The following C1orf94 variants were observed in gnomAD, a reference collection of about 807,000 sequenced individuals.
C1orf94 encodes the protein uncharacterized protein C1orf94.
In C1orf94, 45 loss-of-function variants were observed where a neutral mutation model predicts 53.6. The observed-to-expected ratio is 0.84, with a 90% CI of 0.66 to 1.08. C1orf94 has a LOEUF of 1.08. C1orf94 is among the 50% of genes least tolerant of loss of function. C1orf94 has a pLI of 0.00. For synonymous variants in C1orf94, 304 were observed against 296.1 expected (o/e 1.03, Z -0.27); for missense variants, 762 against 738.9 (o/e 1.03, Z -0.36).
Position 34,197,619 on chromosome 1 carries a change from C to T in C1orf94, c.715C>T (p.Leu239Phe). 1.9e-6 allele frequency: 3 copies of T among 1,614,138 alleles called. No homozygotes were observed. Among genetic ancestry groups the T allele is most frequent in the Non-Finnish European group, 2.5e-6 (3 of 1,179,990 alleles). ...LGDSNLQVSKLLSQFPLKSTE... is the reference protein window; with the variant it reads ...LGDSNLQVSKFLSQFPLKSTE... ...TGACTCCAACTTGCAAGTCAGCAAGCTTCTGTCCCAGTTCCCACTGAAGTC... is the reference window on the plus strand; with the variant it reads ...TGACTCCAACTTGCAAGTCAGCAAGTTTCTGTCCCAGTTCCCACTGAAGTC... Residue 239 changes from leucine (L) to phenylalanine (F), a missense_variant, in exon 2 of 7, where the codon CTT (leucine) becomes TTT (phenylalanine). Leu to Phe is a conservative substitution (Grantham distance 22). Coordinates refer to ENST00000488417, the MANE Select transcript of C1orf94 (RefSeq NM_001134734.2). This position sits in a 1 kb window ranked among gnomAD's most constrained non-coding sequence, Gnocchi z 4.1.
At chr1:34,203,508 G>A (rs1359420301) in intron 4 of C1orf94, among the ~76,000 whole-genome samples, 2 of 152,116 alleles carry the variant, frequency 1.3e-5, no homozygotes, top group East Asian at 3.9e-4. Flanking sequence ...TCAGATTTTG[G>A]TATCCACAGG....
intron 1 of C1orf94, among the ~76,000 whole-genome samples, chr1:34,189,809 C>T (rs1485630046): frequency 6.6e-6 from 1 of 152,252 alleles, no homozygotes; most frequent in African/African-American, 2.4e-5. Flanking sequence ...ATCCTCCTGG[C>T]TCTTGGCTGG....
chr1:34,182,127 C>T (rs767897418), intron 1 of C1orf94, among the ~76,000 whole-genome samples: 4 of 152,230 alleles, frequency 2.6e-5, no homozygotes, highest in East Asian at 3.9e-4. Flanking sequence ...TCAGGAAAGT[C>T]GAGGCTGCAA....
intron 1 of C1orf94, among the ~76,000 whole-genome samples, chr1:34,196,836 C>T (rs1642594433): frequency 6.6e-6 from 1 of 152,170 alleles, no homozygotes; most frequent in African/African-American, 2.4e-5. Context: ...TGTTGGCTTG[C>T]TCCTGACCCC....
chr1:34,208,347 T>C (rs1041639345), intron 5 of C1orf94, 113 bp downstream of exon 5: 15 of 1,069,690 alleles, frequency 1.4e-5, no homozygotes, highest in Non-Finnish European at 1.8e-5. Flanking sequence ...TGGCCCACCA[T>C]TGGCTCTGGA....
At chr1:34,206,793 G>A (rs138946435) in intron 4 of C1orf94, among the ~76,000 whole-genome samples, 2 of 152,296 alleles carry the variant, frequency 1.3e-5, no homozygotes, top group Non-Finnish European at 2.9e-5. Context: ...ACAGGAGAGA[G>A]AGGCTGCCCT....
At chr1:34,195,125 G>A (rs189936253) in intron 1 of C1orf94, among the ~76,000 whole-genome samples, 1 of 152,214 alleles carries the variant, frequency 6.6e-6, no homozygotes, top group Non-Finnish European at 1.5e-5. Context: ...GAGAGTGGAG[G>A]GAAAGAGAAA....
chr1:34,183,821 A>G (rs1642345753), intron 1 of C1orf94, among the ~76,000 whole-genome samples: 1 of 151,110 alleles, frequency 6.6e-6, no homozygotes, highest in Admixed American at 6.6e-5. Flanking sequence ...GTGCCATTGC[A>G]CTCCAGTCTG....
At chr1:34,185,871 C>T (rs1453517530) in intron 1 of C1orf94, among the ~76,000 whole-genome samples, 1 of 152,224 alleles carries the variant, frequency 6.6e-6, no homozygotes. Context: ...TCTCTAGATG[C>T]ACGTCTTGCT....
In C1orf94 at chr1:34,168,443, T is replaced by C. The variant is rs376947136; in HGVS notation, c.-251+1272T>C. Among the ~76,000 whole-genome samples the C allele has an allele frequency of 3.3e-5, 5 of 151,848 alleles. No homozygotes were observed. In the East Asian group the frequency reaches 5.8e-4, roughly 18 times the overall value. ...CTGGATCCAGGTAAGCAATGGGAGA[T>C]AGGGAGTGGGGCAGATCACATAGGG... On this transcript the variant is annotated intron_variant, in intron 1 of 6. Coordinates refer to the C1orf94 transcript ENST00000373374.
At position 34,178,055 on chromosome 1, in the gene C1orf94, T is replaced by A; in HGVS notation, c.266T>A (p.Leu89His). The change falls in exon 1 of 7, where the codon CTC (leucine) becomes CAC (histidine). Residue 89 changes from leucine to histidine, a missense_variant. Coordinates refer to ENST00000488417, the MANE Select transcript of C1orf94 (RefSeq NM_001134734.2). The stretch of plus-strand genomic sequence containing the variant: ...CAGCCCTGGACCTCCATGGAGCAGC[T>A]CTCTGTCCCTGTGGTTGGAACTCTA... ...ASQPWTSMEQ[L>H]SVPVVGTLRG... 1.3e-6 allele frequency: 2 copies of A among 1,551,726 alleles called. No individual in the cohort carries two copies. Among genetic ancestry groups the A allele is most frequent in the Non-Finnish European group, 1.7e-6 (2 of 1,147,002 alleles).
chr1:34,181,745 A>G (rs1642314741), intron 1 of C1orf94, among the ~76,000 whole-genome samples: 1 of 152,252 alleles, frequency 6.6e-6, no homozygotes, highest in African/African-American at 2.4e-5. Context: ...GACAACTGTG[A>G]TAATGGAAAT....
intron 1 of C1orf94, among the ~76,000 whole-genome samples, chr1:34,188,376 A>G (rs907844290): frequency 6.6e-6 from 1 of 152,154 alleles, no homozygotes; most frequent in Non-Finnish European, 1.5e-5. Context: ...TGAATCTACT[A>G]TGTGTGAAGA....
At chr1:34,192,754 G>A (rs75293988) in intron 1 of C1orf94, among the ~76,000 whole-genome samples, 2 of 152,196 alleles carry the variant, frequency 1.3e-5, no homozygotes, top group East Asian at 1.9e-4. Flanking sequence ...CACTGGAACC[G>A]AGGCCTGAGT....
Position 34,212,240 on chromosome 1 carries a change from C to T in C1orf94, c.1555C>T (p.Gln519Ter). 2 of 1,613,026 alleles carry T rather than the reference C, an allele frequency of 1.2e-6. No individual in the cohort carries two copies. The highest frequency in any genetic ancestry group is 1.7e-6 in the Non-Finnish European group (2 of 1,179,458). ...VMPYNPQQMG[Q>*]QIFRSSYTPL... The stretch of plus-strand genomic sequence containing the variant: ...GCCATACAACCCACAGCAGATGGGA[C>T]AGCAGATCTTCCGCTCTTCCTACAC... The change falls in exon 6 of 7, where the codon CAG becomes TAG. Residue 519 changes from glutamine to a stop codon, truncating the protein, a stop_gained. Transcript: ENST00000488417. LOFTEE classifies it high-confidence loss of function.
intron 6 of C1orf94, among the ~76,000 whole-genome samples, chr1:34,215,130 G>A (rs1367891488): frequency 1.3e-5 from 2 of 152,186 alleles, no homozygotes; most frequent in African/African-American, 4.8e-5. Flanking sequence ...TTGGGGTGGG[G>A]AGAAGAATCA....
chr1:34,204,334 T>G (rs1642760624), intron 4 of C1orf94, among the ~76,000 whole-genome samples: 1 of 152,142 alleles, frequency 6.6e-6, no homozygotes, highest in South Asian at 2.1e-4. Flanking sequence ...TTTTTGTTTG[T>G]GTGTGTGTTT....
At chr1:34,202,889 A>G (rs942635064) in intron 4 of C1orf94, among the ~76,000 whole-genome samples, 1 of 152,226 alleles carries the variant, frequency 6.6e-6, no homozygotes, top group African/African-American at 2.4e-5. Flanking sequence ...AACAACAACA[A>G]CAACAAAATA....
At chr1:34,202,448 A>G (rs942371642) in intron 4 of C1orf94, among the ~76,000 whole-genome samples, 189 bp downstream of exon 4, 26 of 151,804 alleles carry the variant, frequency 1.7e-4, no homozygotes, top group African/African-American at 6.1e-4. Context: ...TATTTTTTTC[A>G]TTGTAGTCAC....
Sources: gnomAD v4.1 joint callset for allele counts (sites outside exome capture counted in the v4.1 genomes callset) on GRCh38, gnomAD v4.1.1 for gene constraint, Gnocchi (gnomAD v3.1) non-coding constraint, MANE v1.5 for transcripts, NCBI Gene and HGNC (gene_info 2026-07-23, HGNC 2026-07-21) for gene names.